Variants in CNTNAP4 observed in about 807,000 individuals in gnomAD.
CNTNAP4 encodes contactin-associated protein-like 4.
A neutral mutation model predicts 148.4 loss-of-function variants in CNTNAP4; 98 were observed. The observed-to-expected ratio is 0.66, with a 90% CI of 0.56 to 0.78. The LOEUF (loss-of-function observed/expected upper bound fraction) is 0.78. Ranked by LOEUF, CNTNAP4 falls within the 30% of genes least tolerant of loss-of-function variation. CNTNAP4 has a pLI of 0.00. For synonymous variants in CNTNAP4, 730 were observed against 565.1 expected, an observed-to-expected ratio of 1.29 and a Z score of -4.14; for missense variants, 1,935 against 1,565.6, an observed-to-expected ratio of 1.24 and a Z score of -3.98.
At chr16:76,523,245 C>G (rs549171086) in intron 17 of CNTNAP4, among the ~76,000 whole-genome samples, 1 of 136,138 alleles carries the variant, frequency 7.3e-6, no homozygotes, top group South Asian at 2.8e-4. Flanking sequence ...CCGGCCCCCC[C>G]GCCCCACCAA....
Position 76,540,686 on chromosome 16 carries a change from G to C in CNTNAP4, c.3355-17G>C, listed in dbSNP as rs369020116. The C allele has an allele frequency of 6.5e-7, 1 of 1,528,394 alleles. No homozygotes were observed. Among genetic ancestry groups the C allele is most frequent in the Non-Finnish European group, 8.9e-7 (1 of 1,126,222 alleles). 94.7% of individuals were successfully genotyped at this position (1,528,394 alleles called of 1,614,324 possible). On this transcript the variant is annotated splice_polypyrimidine_tract_variant and intron_variant, in intron 20 of 23. Coordinates refer to ENST00000611870, the MANE Select transcript of CNTNAP4 (RefSeq NM_033401.5). ...TCATCCATTTGGATGTTTTTATCTTGTGTAATAATTTTGTAGATTGACGAT... is the reference window on the plus strand; with the variant it reads ...TCATCCATTTGGATGTTTTTATCTTCTGTAATAATTTTGTAGATTGACGAT...
Position 76,489,790 on chromosome 16 carries a change from A to C in CNTNAP4, c.1987A>C (p.Met663Leu), listed in dbSNP as rs1345863982. 2 of 1,606,860 alleles carry C rather than the reference A, an allele frequency of 1.2e-6. No homozygotes were observed. Among genetic ancestry groups the C allele is most frequent in the Admixed American group, 1.7e-5 (1 of 58,982 alleles). Reference protein sequence around the residue: ...YAGFFEYVASMEQLQATINRA... With the variant: ...YAGFFEYVASLEQLQATINRA... ...TGGGTTTTTCGAGTATGTGGCCAGCATGGAGCAACTTCAGGCCACTATTAA... is the reference window on the plus strand; with the variant it reads ...TGGGTTTTTCGAGTATGTGGCCAGCCTGGAGCAACTTCAGGCCACTATTAA... Residue 663 changes from methionine to leucine, a missense_variant, in exon 13 of 24, where the codon ATG (methionine) becomes CTG (leucine). Transcript: ENST00000611870.
At chr16:76,540,317 C>T (rs933842782) in intron 20 of CNTNAP4, among the ~76,000 whole-genome samples, 2 of 151,972 alleles carry the variant, frequency 1.3e-5, no homozygotes, top group South Asian at 2.1e-4. Flanking sequence ...AATTTCTTAG[C>T]TGCCTACCTC....
chr16:76,485,298 G>A (rs147261216), intron 12 of CNTNAP4, among the ~76,000 whole-genome samples: 2,264 of 151,714 alleles, frequency 0.015, 47 homozygotes, highest in African/African-American at 0.052. Context: ...TGTATTTTTC[G>A]TAGAGATGGG....
At chr16:76,482,516 G>T (rs532271759) in intron 12 of CNTNAP4, among the ~76,000 whole-genome samples, 1 of 150,666 alleles carries the variant, frequency 6.6e-6, no homozygotes, top group Non-Finnish European at 1.5e-5. Context: ...GGGAGCAACC[G>T]CTTCTTTATA....
At chr16:76,353,929 T>A (rs754644318) in intron 2 of CNTNAP4, among the ~76,000 whole-genome samples, 1 of 152,206 alleles carries the variant, frequency 6.6e-6, no homozygotes, top group Non-Finnish European at 1.5e-5. Context: ...TTATTGAGCA[T>A]TTCTTTGAAT....
chr16:76,548,222 C>G lies in CNTNAP4; in HGVS notation c.3443-5061C>G, dbSNP rs138491589. ...CCCACTAACCCTTTTTGTGTTGAGT[C>G]CCTGGTGGAATTGCATAAAATAGTA... On this transcript the variant is annotated intron_variant, in intron 21 of 23. Transcript: ENST00000611870. Among the ~76,000 whole-genome samples, 9 of 151,492 alleles carry G rather than the reference C, an allele frequency of 5.9e-5. No homozygotes were observed. The East Asian group carries it at 1.2e-3, about 20-fold the overall frequency.
At chr16:76,408,397 A>G (rs111443093) in intron 3 of CNTNAP4, among the ~76,000 whole-genome samples, 2 of 124,346 alleles carry the variant, frequency 1.6e-5, no homozygotes, top group African/African-American at 5.5e-5. Flanking sequence ...ACAGTTGTTA[A>G]TCTATTAACA....
intron 17 of CNTNAP4, among the ~76,000 whole-genome samples, chr16:76,522,647 TTTC>T (rs2083512298): frequency 7.6e-6 from 1 of 131,590 alleles, no homozygotes; most frequent in African/African-American, 2.8e-5. Flanking sequence ...CTTTCTTTCT[TTTC>T]TCTCTTTCTC....
At chr16:76,408,522 C>T (rs1363203110) in intron 3 of CNTNAP4, among the ~76,000 whole-genome samples, 1 of 151,948 alleles carries the variant, frequency 6.6e-6, no homozygotes, top group East Asian at 1.9e-4. Context: ...CTTTTCTCCC[C>T]CGTGCAACTC....
At chr16:76,321,818 A>G (rs1360360016) in intron 2 of CNTNAP4, among the ~76,000 whole-genome samples, 1 of 151,074 alleles carries the variant, frequency 6.6e-6, no homozygotes, top group Non-Finnish European at 1.5e-5. Flanking sequence ...CTTTATAATA[A>G]TTAAATTTTT....
intron 4 of CNTNAP4, among the ~76,000 whole-genome samples, chr16:76,445,860 G>T (rs1358186320): frequency 6.6e-6 from 1 of 152,064 alleles, no homozygotes; most frequent in Admixed American, 6.6e-5. Context: ...CTCCAAATGT[G>T]TCAGCATTTA....
chr16:76,289,458 T>G (rs1423697139), intron 1 of CNTNAP4, among the ~76,000 whole-genome samples: 1 of 152,124 alleles, frequency 6.6e-6, no homozygotes, highest in Non-Finnish European at 1.5e-5. Context: ...CAAAGCAGTG[T>G]GACCACAGCC....
intron 4 of CNTNAP4, among the ~76,000 whole-genome samples, chr16:76,440,971 G>T (rs1001114704): frequency 6.6e-6 from 1 of 152,096 alleles, no homozygotes; most frequent in Non-Finnish European, 1.5e-5. Flanking sequence ...TTGCCATGAG[G>T]GGTGTGTGTG....
intron 3 of CNTNAP4, among the ~76,000 whole-genome samples, chr16:76,382,913 T>C (rs568454283): frequency 1.0e-3 from 155 of 152,290 alleles, no homozygotes; most frequent in African/African-American, 3.6e-3. Flanking sequence ...CAGTGGTTAA[T>C]TTGAAAAGAA....
rs576060089 is a variant in CNTNAP4, at chr16:76,365,100, C to T, written c.390+9589C>T. On this transcript the variant is annotated intron_variant, in intron 3 of 23. Transcript: ENST00000611870. ...TTTCAGCTTTCTGCATACGGCTAGC[C>T]AGTTTTCCCAACACCATTTATTAAA... Among the ~76,000 whole-genome samples, 4 of 152,260 alleles carry T rather than the reference C, an allele frequency of 2.6e-5. No individual in the cohort carries two copies. The East Asian group carries it at 7.7e-4, about 29-fold the overall frequency.
At chr16:76,529,843 C>CTGTG (rs35748962) in intron 17 of CNTNAP4, among the ~76,000 whole-genome samples, 95,023 of 148,242 alleles carry the variant, frequency 0.64, 31,566 homozygotes, top group East Asian at 0.86. Flanking sequence ...TGAATCTCAG[C>CTGTG]TGTGTGTGTG....
In CNTNAP4 at chr16:76,553,872, C is replaced by G. The variant is rs766318470; in HGVS notation, c.3698C>G (p.Ala1233Gly). Residue 1233 changes from alanine (A) to glycine (G), a missense_variant, in exon 23 of 24, where the codon GCT becomes GGT. Coordinates refer to ENST00000611870, the MANE Select transcript of CNTNAP4 (RefSeq NM_033401.5). Reference protein sequence around the residue: ...SGTIDDREPLANAIKSDSAVI... With the variant: ...SGTIDDREPLGNAIKSDSAVI... Reference sequence around the variant, plus strand: ...ACAATAGATGACAGAGAGCCCCTTGCTAATGCAATCAAAAGTGACTCTGCA... The same window carrying G: ...ACAATAGATGACAGAGAGCCCCTTGGTAATGCAATCAAAAGTGACTCTGCA... 1.2e-6 allele frequency: 2 copies of G among 1,611,826 alleles called. No homozygotes were observed. The highest frequency in any genetic ancestry group is 1.3e-5 in the African/African-American group (1 of 74,890).
At chr16:76,280,533 T>C (rs1482375257) in intron 1 of CNTNAP4, among the ~76,000 whole-genome samples, 1 of 152,180 alleles carries the variant, frequency 6.6e-6, no homozygotes, top group Non-Finnish European at 1.5e-5. Flanking sequence ...GTTAAGTACT[T>C]ATCTGTCTAA....
Sources: gnomAD v4.1 joint callset for allele counts (sites outside exome capture counted in the v4.1 genomes callset) on GRCh38, gnomAD v4.1.1 for gene constraint, MANE v1.5 for transcripts, NCBI Gene and HGNC (gene_info 2026-07-23, HGNC 2026-07-21) for gene names.